MAGI1: variants seen among roughly 807,000 people sequenced by gnomAD.
The protein encoded by MAGI1 is membrane-associated guanylate kinase, WW and PDZ domain-containing protein 1.
Under a neutral mutation model 139.9 loss-of-function variants are expected in MAGI1, and 58 were observed. The ratio of observed to expected loss-of-function variants is 0.41; its 90% CI spans 0.34 to 0.52. The LOEUF is 0.52. MAGI1 is among the 20% of genes least tolerant of loss of function. MAGI1 has a pLI of 0.12. For missense variants in MAGI1, 1,874 were observed against 1,901.6 expected, an observed-to-expected ratio of 0.99 and a Z score of 0.27; for synonymous variants, 812 against 737.9, an observed-to-expected ratio of 1.10 and a Z score of -1.63.
At chr3:65,454,558 A>AATAAAAAT (rs368786306) in intron 5 of MAGI1, among the ~76,000 whole-genome samples, 1 of 140,546 alleles carries the variant, frequency 7.1e-6, no homozygotes, top group African/African-American at 2.8e-5. Flanking sequence ...ATAATAATAA[A>AATAAAAAT]AAAATACTTG....
intron 1 of MAGI1, among the ~76,000 whole-genome samples, chr3:65,679,070 AT>A (rs1177843098): frequency 6.6e-6 from 1 of 152,164 alleles, no homozygotes; most frequent in African/African-American, 2.4e-5. Context: ...TCAGCTAAGC[AT>A]ATCTTTGGAC....
chr3:66,019,404 A>G (rs2067845029), intron 1 of MAGI1, among the ~76,000 whole-genome samples: 1 of 152,204 alleles, frequency 6.6e-6, no homozygotes, highest in Non-Finnish European at 1.5e-5. Context: ...CTGTCTTCAG[A>G]CATTGCCAAA....
chr3:65,742,005 C>G (rs2035315470), intron 1 of MAGI1, among the ~76,000 whole-genome samples: 1 of 152,146 alleles, frequency 6.6e-6, no homozygotes, highest in Admixed American at 6.5e-5. Flanking sequence ...TGTTTGGAAT[C>G]CACTGGAATG....
intron 2 of MAGI1, among the ~76,000 whole-genome samples, chr3:65,530,528 G>A (rs1447705343): frequency 2.0e-5 from 3 of 150,496 alleles, no homozygotes; most frequent in Non-Finnish European, 4.4e-5. Flanking sequence ...GAGGTGGGAG[G>A]ATTGCTTCAG....
At chr3:66,002,560 G>C (rs936272460) in intron 1 of MAGI1, among the ~76,000 whole-genome samples, 2 of 151,994 alleles carry the variant, frequency 1.3e-5, no homozygotes, top group African/African-American at 4.8e-5. Flanking sequence ...TCTCTTCCCA[G>C]GCTGGAGTAC....
chr3:65,771,186 A>G (rs1047221714), intron 1 of MAGI1, among the ~76,000 whole-genome samples: 5 of 151,904 alleles, frequency 3.3e-5, no homozygotes, highest in African/African-American at 1.2e-4. Flanking sequence ...ATGCACCTGT[A>G]GTCCCAGCTA....
intron 1 of MAGI1, among the ~76,000 whole-genome samples, chr3:65,724,412 C>G (rs2033384061): frequency 6.6e-6 from 1 of 152,188 alleles, no homozygotes; most frequent in African/African-American, 2.4e-5. Flanking sequence ...ATAACTTCAC[C>G]TGAGTATAGT....
At chr3:65,893,482 T>C (rs1260705921) in intron 1 of MAGI1, among the ~76,000 whole-genome samples, 1 of 152,136 alleles carries the variant, frequency 6.6e-6, no homozygotes, top group Non-Finnish European at 1.5e-5. Flanking sequence ...AACAATATAG[T>C]TTAATAGAAA....
intron 14 of MAGI1, among the ~76,000 whole-genome samples, chr3:65,387,597 T>C (rs1002316653): frequency 6.6e-6 from 1 of 152,236 alleles, no homozygotes; most frequent in African/African-American, 2.4e-5. Flanking sequence ...GCTACCACTA[T>C]ACTACAGCAT....
At chr3:65,667,017 T>C (rs919890391) in intron 1 of MAGI1, among the ~76,000 whole-genome samples, 16 of 152,158 alleles carry the variant, frequency 1.1e-4, no homozygotes, top group African/African-American at 3.4e-4. Context: ...AGAAAAACAA[T>C]GGTCTCCTGC....
chr3:65,823,132 ACC>A (rs2042037328), intron 1 of MAGI1, among the ~76,000 whole-genome samples: 1 of 152,206 alleles, frequency 6.6e-6, no homozygotes, highest in South Asian at 2.1e-4. Context: ...TATTTAAAAT[ACC>A]CCTCTTAGAT....
intron 1 of MAGI1, among the ~76,000 whole-genome samples, chr3:65,789,801 CAG>C (rs202124145): frequency 0.014 from 2,194 of 152,180 alleles, 52 homozygotes; most frequent in African/African-American, 0.049. Context: ...AAAACAAAAA[CAG>C]AAACAAAAAA....
At chr3:65,665,363 A>C (rs1442910823) in intron 1 of MAGI1, among the ~76,000 whole-genome samples, 1 of 152,200 alleles carries the variant, frequency 6.6e-6, no homozygotes, top group African/African-American at 2.4e-5. Flanking sequence ...TGATGAGGCT[A>C]TGGAAAAGAT....
intron 2 of MAGI1, among the ~76,000 whole-genome samples, chr3:65,571,838 C>A (rs2080973765): frequency 6.6e-6 from 1 of 151,842 alleles, no homozygotes; most frequent in Admixed American, 6.6e-5. Context: ...GGCATGCTGA[C>A]CAAAAATAGC....
chr3:65,692,222 C>T (rs183389269), intron 1 of MAGI1, among the ~76,000 whole-genome samples: 9 of 151,968 alleles, frequency 5.9e-5, no homozygotes, highest in African/African-American at 1.9e-4. Flanking sequence ...TTAGAACATG[C>T]GATACAAAAT....
intron 18 of MAGI1, among the ~76,000 whole-genome samples, chr3:65,369,649 C>A (rs1385932674): frequency 1.3e-5 from 2 of 152,076 alleles, no homozygotes; most frequent in Non-Finnish European, 2.9e-5. Context: ...GCTGGGACTA[C>A]AGGCACGCGC....
chr3:65,645,023 A>G, intron 1 of MAGI1, among the ~76,000 whole-genome samples: 1 of 151,728 alleles, frequency 6.6e-6, no homozygotes, highest in East Asian at 1.9e-4. Flanking sequence ...AGAAAGAAAA[A>G]AAAAACAGTG....
chr3:65,445,861 T>C (rs1948644441), intron 7 of MAGI1, among the ~76,000 whole-genome samples: 1 of 152,220 alleles, frequency 6.6e-6, no homozygotes, highest in African/African-American at 2.4e-5. Flanking sequence ...GAGGGTTTCC[T>C]TGTCACATCT....
chr3:65,472,753 G>T (rs1207243848), intron 4 of MAGI1, among the ~76,000 whole-genome samples: 1 of 152,198 alleles, frequency 6.6e-6, no homozygotes, highest in Non-Finnish European at 1.5e-5. Flanking sequence ...TGGGCACTCA[G>T]TGCCAGACAG....
Sources: gnomAD v4.1 joint callset for allele counts (sites outside exome capture counted in the v4.1 genomes callset) on GRCh38, gnomAD v4.1.1 for gene constraint, MANE v1.5 for transcripts, NCBI Gene and HGNC (gene_info 2026-07-23, HGNC 2026-07-21) for gene names.